Variants in NUP205 observed in about 807,000 individuals in gnomAD.
The protein encoded by NUP205 is nuclear pore complex protein Nup205.
A neutral mutation model predicts 253.8 loss-of-function variants in NUP205; 76 were observed. The ratio of observed to expected loss-of-function variants is 0.30; its 90% CI spans 0.25 to 0.36. The LOEUF (loss-of-function observed/expected upper bound fraction) is 0.36. NUP205 is among the 10% of genes least tolerant of loss of function. The pLI is 1.00. For synonymous variants in NUP205, 832 were observed against 850.1 expected (o/e 0.98, Z 0.37); for missense variants, 2,162 against 2,425.5 (o/e 0.89, Z 2.28).
At chr7:135,562,672 T>C (rs1434596392) in intron 1 of NUP205, among the ~76,000 whole-genome samples, 2 of 150,214 alleles carry the variant, frequency 1.3e-5, no homozygotes, top group African/African-American at 4.9e-5. Context: ...CTCAGCCTCC[T>C]GAGTAGCTGG....
At position 135,573,888 on chromosome 7, in the gene NUP205, T is replaced by G. The variant is rs1806072721; in HGVS notation, c.343+63T>G. The G allele has an allele frequency of 6.4e-6, 8 of 1,252,282 alleles. No homozygotes were observed. The South Asian group carries it at 8.2e-5, about 13-fold the overall frequency. The allele number at this position is 1,252,282 out of a possible 1,614,324, so 77.6% of individuals were successfully genotyped here. On this transcript the variant is annotated intron_variant, in intron 3 of 42. Transcript: ENST00000285968. ...GCAAAATTATAAAATCACTCATAGT[T>G]TAAAATAGTTTATTGTTTAGATTCT... is the stretch of plus-strand genomic sequence containing the variant.
At chr7:135,558,235 C>T in intron 1 of NUP205, 1 of 521,972 alleles carries the variant, frequency 1.9e-6, no homozygotes, top group South Asian at 2.1e-5. Context: ...TCTCACAGCC[C>T]AGGGCTGAGT....
chr7:135,589,561 T>G (rs1411440378), intron 10 of NUP205, among the ~76,000 whole-genome samples: 1 of 151,362 alleles, frequency 6.6e-6, no homozygotes, highest in South Asian at 2.1e-4. Context: ...GTGCTGGGAT[T>G]GTAGGCATGA....
At chr7:135,569,835 T>C (rs192132612) in intron 1 of NUP205, among the ~76,000 whole-genome samples, 1 of 152,192 alleles carries the variant, frequency 6.6e-6, no homozygotes, top group Non-Finnish European at 1.5e-5. Flanking sequence ...AAGTACATTT[T>C]CAGCTTCTAA....
In NUP205 at chr7:135,646,236, G is replaced by A; in HGVS notation, c.5886+5G>A. Reference sequence around the variant, plus strand: ...AGCCAACATGATTTAGACCAGGTAAGGTTCTATTCTCATATTCTTTTATTT... The same window carrying A: ...AGCCAACATGATTTAGACCAGGTAAAGTTCTATTCTCATATTCTTTTATTT... On this transcript the variant is annotated splice_donor_5th_base_variant and intron_variant, in intron 42 of 42. Transcript: ENST00000285968. The A allele has an allele frequency of 6.3e-7, 1 of 1,594,118 alleles. No individual in the cohort carries two copies.
chr7:135,557,962 G>C lies in NUP205; in HGVS notation c.18G>C (p.Ala6=). 1.2e-6 allele frequency: 2 copies of C among 1,613,538 alleles called. No individual in the cohort carries two copies. The highest frequency in any genetic ancestry group is 2.2e-5 in the East Asian group (1 of 44,870). ...CCTCTAAGATGGCGACGCCTTTGGC[G>C]GTAAATTCGGGTAAGTGTGGCCAGA... MATPL[A]VNSAASLWGP... The change falls in exon 1 of 43, where the codon GCG becomes GCC. Residue 6 remains alanine (A), a synonymous_variant. Coordinates refer to ENST00000285968, the MANE Select transcript of NUP205 (RefSeq NM_015135.3).
chr7:135,585,079 C>T, intron 8 of NUP205, 72 bp downstream of exon 8: 1 of 1,293,034 alleles, frequency 7.7e-7, no homozygotes, highest in Non-Finnish European at 1.0e-6. Flanking sequence ...GATTAACCAG[C>T]TTTATGTTTT....
chr7:135,571,252 G>T lies in NUP205; in HGVS notation c.171+5G>T. 7.3e-7 allele frequency: 1 copy of T among 1,377,976 alleles called. No homozygotes were observed. Among genetic ancestry groups the T allele is most frequent in the Non-Finnish European group, 9.5e-7 (1 of 1,056,594 alleles). 85.4% of individuals were successfully genotyped at this position (1,377,976 alleles called of 1,614,324 possible). ...ATCTCATTGTTCAAAAATCCGGTAAGAAATTTTCTTTTTCAGTTTTTTTGG... is the reference window on the plus strand; with the variant it reads ...ATCTCATTGTTCAAAAATCCGGTAATAAATTTTCTTTTTCAGTTTTTTTGG... On this transcript the variant is annotated splice_donor_5th_base_variant and intron_variant, in intron 2 of 42. Transcript: ENST00000285968.
intron 1 of NUP205, among the ~76,000 whole-genome samples, chr7:135,565,685 G>A (rs1805736894): frequency 7.2e-5 from 11 of 152,040 alleles, no homozygotes; most frequent in Admixed American, 7.2e-4. Context: ...GCCCACCTTG[G>A]CCTCCCGGTT....
intron 4 of NUP205, 110 bp from the exon 5 acceptor site, chr7:135,576,859 G>A: frequency 9.9e-7 from 1 of 1,006,610 alleles, no homozygotes; most frequent in Non-Finnish European, 1.4e-6. Context: ...TCCAGCCTGG[G>A]TGACAGAGCA....
At chr7:135,610,534 G>A (rs953276205) in intron 22 of NUP205, among the ~76,000 whole-genome samples, 1 of 152,088 alleles carries the variant, frequency 6.6e-6, no homozygotes, top group African/African-American at 2.4e-5. Flanking sequence ...CATATGCTCT[G>A]TGACCTTGCT....
At chr7:135,646,093 G>A (rs1447231291) in intron 41 of NUP205, 65 bp from the exon 42 acceptor site, 1 of 984,788 alleles carries the variant, frequency 1.0e-6, no homozygotes, top group Non-Finnish European at 1.6e-6. Flanking sequence ...TTGTCATCAG[G>A]TTCCTCCACT....
Position 135,576,851 on chromosome 7 carries a change from C to T in NUP205, c.489-118C>T, listed in dbSNP as rs142412162. 4.4e-3 allele frequency: 4,129 copies of T among 939,688 alleles called. 116 individuals carry two copies. In the East Asian group the frequency reaches 0.062, roughly 14 times the overall value. The allele number at this position is 939,688 out of a possible 1,614,324, so 58.2% of individuals were successfully genotyped here. ...GAGCCATGATCACGCCACTGCACTC[C>T]AGCCTGGGTGACAGAGCAAGGCCCT... On this transcript the variant is annotated intron_variant, in intron 4 of 42. Coordinates refer to ENST00000285968, the MANE Select transcript of NUP205 (RefSeq NM_015135.3).
chr7:135,647,026 C>T (rs1236531615), intron 42 of NUP205, among the ~76,000 whole-genome samples: 3 of 152,270 alleles, frequency 2.0e-5, no homozygotes, highest in East Asian at 1.9e-4. Context: ...ATACAAATCC[C>T]GCCGTCATAG....
intron 1 of NUP205, among the ~76,000 whole-genome samples, chr7:135,560,224 G>A (rs974361627): frequency 6.6e-6 from 1 of 151,918 alleles, no homozygotes; most frequent in African/African-American, 2.4e-5. Context: ...TCAAACTCCT[G>A]ACCTCAGGTG....
At chr7:135,617,386 G>T in intron 26 of NUP205, 139 bp downstream of exon 26, 1 of 878,684 alleles carries the variant, frequency 1.1e-6, no homozygotes, top group East Asian at 2.6e-5. Flanking sequence ...TGTGATTTTT[G>T]TAAAATATCC....
chr7:135,563,996 CA>C (rs964053772), intron 1 of NUP205, among the ~76,000 whole-genome samples: 6 of 150,414 alleles, frequency 4.0e-5, no homozygotes, highest in African/African-American at 1.5e-4. Context: ...AAAAAACAAA[CA>C]AAAAAAAGGT....
At position 135,606,927 on chromosome 7, in the gene NUP205, G is replaced by C. The variant is rs751948538; in HGVS notation, c.3070+12G>C. ...CCTACAAGATCCAGGTATAGCCTAAGACATAAAGGCATTTCTTTCCTTCCA... is the reference window on the plus strand; with the variant it reads ...CCTACAAGATCCAGGTATAGCCTAACACATAAAGGCATTTCTTTCCTTCCA... On this transcript the variant is annotated intron_variant, in intron 21 of 42. Coordinates refer to ENST00000285968, the MANE Select transcript of NUP205 (RefSeq NM_015135.3). 2 of 1,609,632 alleles carry C rather than the reference G, an allele frequency of 1.2e-6. No individual in the cohort carries two copies. The highest frequency in any genetic ancestry group is 1.7e-6 in the Non-Finnish European group (2 of 1,177,270).
intron 35 of NUP205, among the ~76,000 whole-genome samples, chr7:135,634,274 A>G (rs1248280995): frequency 6.6e-6 from 1 of 152,192 alleles, no homozygotes; most frequent in Admixed American, 6.5e-5. Context: ...AGTGATTGAT[A>G]TACATAGAAT....
Sources: gnomAD v4.1 joint callset for allele counts (sites outside exome capture counted in the v4.1 genomes callset) on GRCh38, gnomAD v4.1.1 for gene constraint, MANE v1.5 for transcripts, NCBI Gene and HGNC (gene_info 2026-07-23, HGNC 2026-07-21) for gene names.